PRKCA: variants seen among roughly 807,000 people sequenced by gnomAD.
The protein encoded by PRKCA is protein kinase C alpha type.
In PRKCA, 27 loss-of-function variants were observed where a neutral mutation model predicts 87.0. The ratio of observed to expected loss-of-function variants is 0.31; its 90% CI spans 0.23 to 0.43. The LOEUF (loss-of-function observed/expected upper bound fraction) is 0.43. PRKCA is among the 20% of genes least tolerant of loss of function. PRKCA has a pLI of 1.00. For synonymous variants in PRKCA, 329 were observed against 311.1 expected (o/e 1.06, Z -0.61); for missense variants, 518 against 852.3 (o/e 0.61, Z 4.88).
intron 2 of PRKCA, among the ~76,000 whole-genome samples, chr17:66,462,119 G>A (rs1048074935): frequency 5.3e-5 from 8 of 152,190 alleles, no homozygotes; most frequent in African/African-American, 1.9e-4. Context: ...GCTTCCCTCT[G>A]TTTGAACTCA....
chr17:66,536,743 C>T (rs1309400508), intron 3 of PRKCA, among the ~76,000 whole-genome samples: 1 of 152,228 alleles, frequency 6.6e-6, no homozygotes, highest in Non-Finnish European at 1.5e-5. Context: ...AACTGCTCTT[C>T]TCCCGTGGGA....
intron 14 of PRKCA, chr17:66,774,857 C>A (rs1413339741): frequency 7.1e-6 from 7 of 985,294 alleles, no homozygotes; most frequent in African/African-American, 1.7e-5. Context: ...TTGTAATTTT[C>A]ACTGAAGTCC....
chr17:66,313,664 T>C (rs531907896), intron 2 of PRKCA, among the ~76,000 whole-genome samples: 5 of 152,210 alleles, frequency 3.3e-5, no homozygotes, highest in Non-Finnish European at 7.3e-5. Flanking sequence ...TACTTTGAGA[T>C]TGGTAATAAC....
At chr17:66,474,113 A>G (rs1370000020) in intron 2 of PRKCA, among the ~76,000 whole-genome samples, 2 of 152,188 alleles carry the variant, frequency 1.3e-5, no homozygotes, top group African/African-American at 4.8e-5. Flanking sequence ...TATGAAGACT[A>G]TTACTCTTAT....
intron 3 of PRKCA, among the ~76,000 whole-genome samples, chr17:66,510,527 T>C (rs572826964): frequency 6.6e-6 from 1 of 152,288 alleles, no homozygotes; most frequent in East Asian, 1.9e-4. Flanking sequence ...TTGTAACCAA[T>C]TGCAATTCAA....
intron 2 of PRKCA, among the ~76,000 whole-genome samples, chr17:66,398,749 G>C (rs1317969670): frequency 6.6e-6 from 1 of 152,058 alleles, no homozygotes; most frequent in Non-Finnish European, 1.5e-5. Context: ...GGGTGGCGTC[G>C]CGCTACTCAT....
At chr17:66,387,076 A>G (rs1333984256) in intron 2 of PRKCA, among the ~76,000 whole-genome samples, 1 of 152,230 alleles carries the variant, frequency 6.6e-6, no homozygotes, top group Non-Finnish European at 1.5e-5. Context: ...TGATATTTGC[A>G]TATGGGCAGG....
rs1022671848 is a variant in PRKCA, at chr17:66,384,545, G to A, written c.205+78418G>A. ...TCTAAATTTTTATTCTTTCTTGAGG[G>A]AACCATTCCAAGTTGTACAAGTACG... On this transcript the variant is annotated intron_variant, in intron 2 of 16. Coordinates refer to ENST00000413366, the MANE Select transcript of PRKCA (RefSeq NM_002737.3). 2.0e-5 allele frequency among the ~76,000 whole-genome samples: 3 copies of A among 151,964 alleles called. No individual in the cohort carries two copies. In the East Asian group the frequency reaches 5.8e-4, roughly 29 times the overall value.
intron 8 of PRKCA, among the ~76,000 whole-genome samples, chr17:66,706,194 A>G (rs1404422242): frequency 2.0e-5 from 3 of 152,244 alleles, no homozygotes; most frequent in Non-Finnish European, 4.4e-5. Context: ...CTGTTGACTG[A>G]TGAGTAAACA....
intron 3 of PRKCA, among the ~76,000 whole-genome samples, chr17:66,588,161 A>G (rs980827369): frequency 6.6e-6 from 1 of 152,010 alleles, no homozygotes; most frequent in South Asian, 2.1e-4. Context: ...AAAAGATTCC[A>G]TGTGGCTGGG....
At position 66,616,117 on chromosome 17, in the gene PRKCA, G is replaced by C. The variant is rs190596933; in HGVS notation, c.289-25238G>C. Among the ~76,000 whole-genome samples, 479 of 152,094 alleles carry C rather than the reference G, an allele frequency of 3.1e-3. 4 individuals carry two copies. In the Middle Eastern group the frequency reaches 0.041, roughly 13 times the overall value. Reference sequence around the variant, plus strand: ...TTAATCATTGATGCCCCTTCCTAAGGGCCCAATCAGAAAGTCTGACTGGGC... The same window carrying C: ...TTAATCATTGATGCCCCTTCCTAAGCGCCCAATCAGAAAGTCTGACTGGGC... On this transcript the variant is annotated intron_variant, in intron 3 of 16. Transcript: ENST00000413366.
At chr17:66,344,291 A>G (rs1431923074) in intron 2 of PRKCA, among the ~76,000 whole-genome samples, 2 of 152,150 alleles carry the variant, frequency 1.3e-5, no homozygotes, top group Admixed American at 1.3e-4. Context: ...TTTAGCGGTA[A>G]TTGTGCATGT....
chr17:66,495,494 G>GT (rs1418822335), intron 2 of PRKCA, among the ~76,000 whole-genome samples: 1 of 145,016 alleles, frequency 6.9e-6, no homozygotes, highest in Non-Finnish European at 1.5e-5. Context: ...TTATATGTGT[G>GT]TGTTAGTGTG....
chr17:66,417,898 A>G (rs1211431915), intron 2 of PRKCA, among the ~76,000 whole-genome samples: 1 of 152,136 alleles, frequency 6.6e-6, no homozygotes. Flanking sequence ...TTCTTAAACT[A>G]CTTACCTCTT....
chr17:66,374,190 C>T lies in PRKCA; in HGVS notation c.205+68063C>T, dbSNP rs180752036. ...CTCCTTCCTTCCGCCTGGAGCTTTC[C>T]CATGAATCCTTCCTCCACCACCTCC... On this transcript the variant is annotated intron_variant, in intron 2 of 16. Transcript: ENST00000413366. Among the ~76,000 whole-genome samples, 5 of 152,250 alleles carry T rather than the reference C, an allele frequency of 3.3e-5. No individual in the cohort carries two copies. In the East Asian group the frequency reaches 9.7e-4, roughly 29 times the overall value.
At chr17:66,771,754 C>G (rs1479313124) in intron 13 of PRKCA, among the ~76,000 whole-genome samples, 1 of 152,132 alleles carries the variant, frequency 6.6e-6, no homozygotes, top group Non-Finnish European at 1.5e-5. Flanking sequence ...CATCACCATG[C>G]CCAGCTAATT....
chr17:66,467,529 T>G (rs185567208), intron 2 of PRKCA, among the ~76,000 whole-genome samples: 19 of 152,280 alleles, frequency 1.2e-4, no homozygotes, highest in African/African-American at 3.4e-4. Flanking sequence ...CCTGCTCTAG[T>G]GCTTTTAAAA....
intron 2 of PRKCA, among the ~76,000 whole-genome samples, chr17:66,414,066 A>G (rs1341901417): frequency 6.6e-6 from 1 of 152,060 alleles, no homozygotes; most frequent in Non-Finnish European, 1.5e-5. Flanking sequence ...ATAAATAGAT[A>G]GGGACGTAAT....
intron 2 of PRKCA, among the ~76,000 whole-genome samples, chr17:66,317,141 CAAA>C (rs1203756925): frequency 8.5e-5 from 7 of 82,210 alleles, no homozygotes; most frequent in African/African-American, 4.7e-5. Context: ...GACTCTGTCT[CAAA>C]AAAAAAAAAA....
Sources: gnomAD v4.1 joint callset for allele counts (sites outside exome capture counted in the v4.1 genomes callset) on GRCh38, gnomAD v4.1.1 for gene constraint, MANE v1.5 for transcripts, NCBI Gene and HGNC (gene_info 2026-07-23, HGNC 2026-07-21) for gene names.